Variants in LUZP2 observed in about 807,000 individuals in gnomAD.
LUZP2 encodes leucine zipper protein 2.
In LUZP2, 52 loss-of-function variants were observed where a neutral mutation model predicts 51.6. The ratio of observed to expected loss-of-function variants is 1.01; its 90% CI spans 0.81 to 1.27. The LOEUF (loss-of-function observed/expected upper bound fraction) is 1.27. Ranked by LOEUF, LUZP2 falls within the 50% of genes most tolerant of loss-of-function variation. The pLI is 0.00. For synonymous variants in LUZP2, 154 were observed against 137.3 expected (o/e 1.12, Z -0.85); for missense variants, 436 against 395.4 (o/e 1.10, Z -0.87).
chr11:24,870,490 G>GACACACACACACAC (rs202205920), intron 5 of LUZP2, among the ~76,000 whole-genome samples: 5 of 145,634 alleles, frequency 3.4e-5, no homozygotes, highest in African/African-American at 1.3e-4. Flanking sequence ...CACACACACA[G>GACACACACACACAC]ACACACACAC....
At chr11:24,750,883 C>G (rs1478249366) in intron 4 of LUZP2, among the ~76,000 whole-genome samples, 4 of 152,082 alleles carry the variant, frequency 2.6e-5, no homozygotes, top group Non-Finnish European at 5.9e-5. Context: ...TATATTCATA[C>G]TTTCTACTCT....
intron 5 of LUZP2, among the ~76,000 whole-genome samples, chr11:24,787,233 G>T (rs1271908841): frequency 2.0e-5 from 3 of 152,114 alleles, no homozygotes; most frequent in Admixed American, 6.6e-5. Context: ...TGAAGTATCA[G>T]TTGTGTTGTG....
At chr11:24,635,857 C>T (rs948088507) in intron 1 of LUZP2, among the ~76,000 whole-genome samples, 15 of 152,056 alleles carry the variant, frequency 9.9e-5, no homozygotes, top group East Asian at 3.9e-4. Context: ...AAATACAAGG[C>T]CTGCGGTGCA....
At chr11:24,826,184 A>ATATATAT (rs1245349247) in intron 5 of LUZP2, among the ~76,000 whole-genome samples, 3 of 26,134 alleles carry the variant, frequency 1.1e-4, no homozygotes, top group African/African-American at 4.3e-4. Context: ...TCAAAAAAAA[A>ATATATAT]AAAAAAATAT....
At chr11:24,547,684 T>G (rs1851600190) in intron 1 of LUZP2, among the ~76,000 whole-genome samples, 1 of 151,900 alleles carries the variant, frequency 6.6e-6, no homozygotes. Context: ...CATGACAATT[T>G]CAAAAGCAAT....
intron 5 of LUZP2, among the ~76,000 whole-genome samples, chr11:24,784,337 T>C (rs1319981333): frequency 2.6e-5 from 4 of 151,934 alleles, no homozygotes; most frequent in African/African-American, 9.7e-5. Flanking sequence ...CAATTAAGAA[T>C]CATTAAAAAA....
intron 5 of LUZP2, among the ~76,000 whole-genome samples, chr11:24,881,353 T>C (rs1452213445): frequency 1.3e-5 from 2 of 151,370 alleles, no homozygotes; most frequent in Non-Finnish European, 2.9e-5. Context: ...ACATTCGTCT[T>C]AGCAAGAGAA....
chr11:24,509,463 AT>A (rs1488585575), intron 1 of LUZP2, among the ~76,000 whole-genome samples: 1 of 149,206 alleles, frequency 6.7e-6, no homozygotes, highest in African/African-American at 2.4e-5. Context: ...TATATTATAT[AT>A]GGTATAGTAT....
intron 1 of LUZP2, among the ~76,000 whole-genome samples, chr11:24,668,959 T>G (rs957729904): frequency 4.6e-5 from 7 of 152,132 alleles, no homozygotes; most frequent in African/African-American, 1.7e-4. Flanking sequence ...AAACTTGCAC[T>G]AGAATTTCTA....
intron 5 of LUZP2, among the ~76,000 whole-genome samples, chr11:24,822,904 A>AT (rs1023014705): frequency 2.0e-5 from 3 of 152,134 alleles, no homozygotes; most frequent in African/African-American, 7.2e-5. Flanking sequence ...CATTTTCTTC[A>AT]TTTTTTCTAT....
At chr11:24,806,139 A>G (rs1028606595) in intron 5 of LUZP2, among the ~76,000 whole-genome samples, 7 of 152,216 alleles carry the variant, frequency 4.6e-5, no homozygotes, top group Non-Finnish European at 5.9e-5. Context: ...AATCTTGGGG[A>G]TAAAAAGCCA....
At chr11:24,916,818 A>C (rs2133805646) in intron 7 of LUZP2, among the ~76,000 whole-genome samples, 1 of 152,314 alleles carries the variant, frequency 6.6e-6, no homozygotes, top group East Asian at 1.9e-4. Context: ...TCTTTATAGC[A>C]GCATGATTTA....
intron 1 of LUZP2, among the ~76,000 whole-genome samples, chr11:24,727,272 A>G (rs1235372304): frequency 1.3e-5 from 2 of 152,088 alleles, no homozygotes; most frequent in African/African-American, 4.8e-5. Context: ...ATAAACTCAT[A>G]GCCAAATCAG....
At chr11:24,601,951 AATGTATAT>A (rs1853668355) in intron 1 of LUZP2, among the ~76,000 whole-genome samples, 2 of 93,182 alleles carry the variant, frequency 2.1e-5, no homozygotes, top group Admixed American at 2.2e-4. Flanking sequence ...TATATGTATA[AATGTATAT>A]ATGTATATAT....
intron 9 of LUZP2, among the ~76,000 whole-genome samples, chr11:25,033,585 A>G (rs1457988131): frequency 6.6e-6 from 1 of 151,752 alleles, no homozygotes; most frequent in Non-Finnish European, 1.5e-5. Flanking sequence ...ATTCCTTCCA[A>G]CTTCCAGTAT....
chr11:24,849,974 G>GT (rs1160792295), intron 5 of LUZP2, among the ~76,000 whole-genome samples: 1 of 152,020 alleles, frequency 6.6e-6, no homozygotes, highest in African/African-American at 2.4e-5. Flanking sequence ...TGATGGGGTT[G>GT]TTTTTTTCTT....
intron 1 of LUZP2, among the ~76,000 whole-genome samples, chr11:24,680,781 G>A (rs966756542): frequency 1.3e-5 from 2 of 152,044 alleles, no homozygotes; most frequent in African/African-American, 4.8e-5. Flanking sequence ...TATACATATA[G>A]GAATCAAGGC....
chr11:24,884,034 C>G (rs1351065402), intron 5 of LUZP2, among the ~76,000 whole-genome samples: 1 of 151,952 alleles, frequency 6.6e-6, no homozygotes, highest in Non-Finnish European at 1.5e-5. Flanking sequence ...GGTGTTCAAG[C>G]CTTAACTGGG....
intron 1 of LUZP2, among the ~76,000 whole-genome samples, chr11:24,638,982 A>C (rs1446581790): frequency 6.6e-6 from 1 of 151,754 alleles, no homozygotes; most frequent in African/African-American, 2.4e-5. Context: ...TGCCACAAGG[A>C]AAAAGAGAGA....
Sources: allele counts gnomAD v4.1 joint callset (sites outside exome capture counted in the v4.1 genomes callset), GRCh38; gene constraint gnomAD v4.1.1; transcripts MANE v1.5; gene names NCBI Gene and HGNC (gene_info 2026-07-23, HGNC 2026-07-21).